The following PDGFD variants were observed in gnomAD, a reference collection of about 807,000 sequenced individuals.
PDGFD encodes the protein platelet derived growth factor D, also known as platelet-derived growth factor D.
PDGFD carries 30 observed loss-of-function variants against 44.7 expected under a neutral mutation model. The observed-to-expected ratio is 0.67, with a 90% CI of 0.50 to 0.91. PDGFD has a LOEUF of 0.91. Ranked by LOEUF, PDGFD falls within the 40% of genes least tolerant of loss-of-function variation. PDGFD has a pLI of 0.00. For synonymous variants in PDGFD, 173 were observed against 168.4 expected (o/e 1.03, Z -0.21); for missense variants, 445 against 457.8 (o/e 0.97, Z 0.25).
chr11:104,049,542 T>TTTTTG (rs1395243548), intron 1 of PDGFD, among the ~76,000 whole-genome samples: 2 of 152,196 alleles, frequency 1.3e-5, no homozygotes, highest in African/African-American at 2.4e-5. Context: ...TTTAAGCTTT[T>TTTTTG]TTTTGTTTTG....
chr11:104,097,762 G>A (rs1326090974), intron 1 of PDGFD, among the ~76,000 whole-genome samples: 1 of 152,118 alleles, frequency 6.6e-6, no homozygotes, highest in Non-Finnish European at 1.5e-5. Flanking sequence ...AAGAAATGGA[G>A]GCTTAGTGGT....
At chr11:104,065,801 C>T (rs1403478103) in intron 1 of PDGFD, among the ~76,000 whole-genome samples, 1 of 152,030 alleles carries the variant, frequency 6.6e-6, no homozygotes, top group Non-Finnish European at 1.5e-5. Flanking sequence ...AATATTATCC[C>T]TTGTATGTAT....
intron 1 of PDGFD, among the ~76,000 whole-genome samples, chr11:104,142,975 T>C (rs1405286064): frequency 6.6e-6 from 1 of 152,206 alleles, no homozygotes; most frequent in African/African-American, 2.4e-5. Flanking sequence ...GAAAGCACCA[T>C]GCCTCTGAGA....
chr11:103,988,393 A>G (rs1335230365), intron 3 of PDGFD, among the ~76,000 whole-genome samples: 1 of 151,970 alleles, frequency 6.6e-6, no homozygotes, highest in Non-Finnish European at 1.5e-5. Context: ...TCAAGCTGGA[A>G]ATGTGTTTAC....
chr11:103,970,235 T>C (rs1051285907), intron 3 of PDGFD, among the ~76,000 whole-genome samples: 1 of 152,050 alleles, frequency 6.6e-6, no homozygotes, highest in African/African-American at 2.4e-5. Context: ...TCTCTAAATA[T>C]CAATAATTGA....
At chr11:104,111,039 G>C (rs1291274151) in intron 1 of PDGFD, among the ~76,000 whole-genome samples, 1 of 151,938 alleles carries the variant, frequency 6.6e-6, no homozygotes, top group Non-Finnish European at 1.5e-5. Context: ...AAAATGTTCT[G>C]ACAGTGGTTA....
At chr11:104,129,801 G>A (rs1263225444) in intron 1 of PDGFD, among the ~76,000 whole-genome samples, 1 of 152,096 alleles carries the variant, frequency 6.6e-6, no homozygotes. Context: ...CTGAGGTCAG[G>A]AGTTCAAGAC....
intron 6 of PDGFD, among the ~76,000 whole-genome samples, chr11:103,924,637 C>A (rs1034391246): frequency 1.4e-4 from 22 of 152,122 alleles, no homozygotes; most frequent in African/African-American, 5.1e-4. Context: ...ATTACATACT[C>A]ATTTTTGCTT....
At chr11:104,059,009 T>C in intron 1 of PDGFD, among the ~76,000 whole-genome samples, 1 of 152,196 alleles carries the variant, frequency 6.6e-6, no homozygotes, top group Admixed American at 6.5e-5. Flanking sequence ...GGAAGCACCA[T>C]GGGACATGGG....
intron 5 of PDGFD, among the ~76,000 whole-genome samples, chr11:103,939,391 T>C (rs960776117): frequency 1.3e-5 from 2 of 152,190 alleles, no homozygotes; most frequent in Non-Finnish European, 2.9e-5. Flanking sequence ...CTTGTGATTT[T>C]TGTACATTGA....
chr11:103,983,446 A>C (rs907734209), intron 3 of PDGFD, among the ~76,000 whole-genome samples: 9 of 151,956 alleles, frequency 5.9e-5, no homozygotes, highest in African/African-American at 2.2e-4. Context: ...CTAAAATATA[A>C]AACTTAAAAC....
At chr11:104,069,195 A>G (rs1479496811) in intron 1 of PDGFD, among the ~76,000 whole-genome samples, 1 of 152,204 alleles carries the variant, frequency 6.6e-6, no homozygotes, top group African/African-American at 2.4e-5. Context: ...ACACCTTTGA[A>G]GAGCACAGGT....
intron 6 of PDGFD, among the ~76,000 whole-genome samples, chr11:103,925,671 GTGTC>G (rs1858297181): frequency 8.0e-6 from 1 of 124,244 alleles, no homozygotes; most frequent in Non-Finnish European, 1.6e-5. Flanking sequence ...CTATGTGTGT[GTGTC>G]TGTGTATATA....
chr11:103,962,564 T>G (rs1858954432), intron 3 of PDGFD, among the ~76,000 whole-genome samples: 1 of 152,204 alleles, frequency 6.6e-6, no homozygotes, highest in Admixed American at 6.5e-5. Flanking sequence ...GAAACTCTTT[T>G]GCTACTTATC....
intron 1 of PDGFD, among the ~76,000 whole-genome samples, chr11:104,041,883 T>C (rs1780607483): frequency 6.6e-6 from 1 of 152,202 alleles, no homozygotes; most frequent in South Asian, 2.1e-4. Context: ...TATTAACTGT[T>C]GTAATTTTAG....
chr11:103,965,036 C>T (rs1184601039), intron 3 of PDGFD, among the ~76,000 whole-genome samples: 1 of 151,420 alleles, frequency 6.6e-6, no homozygotes, highest in Admixed American at 6.6e-5. Flanking sequence ...AGATCAATAG[C>T]ATGAGTATAG....
At chr11:104,106,569 T>C (rs1490035959) in intron 1 of PDGFD, among the ~76,000 whole-genome samples, 3 of 152,110 alleles carry the variant, frequency 2.0e-5, no homozygotes, top group Non-Finnish European at 4.4e-5. Flanking sequence ...AAAACACAGA[T>C]TGCCCATTCT....
intron 1 of PDGFD, among the ~76,000 whole-genome samples, chr11:104,014,502 GACAA>G (rs148575111): frequency 4.6e-5 from 7 of 152,114 alleles, no homozygotes; most frequent in East Asian, 1.9e-4. Flanking sequence ...TCTCCAAACA[GACAA>G]ACAAACAAAC....
intron 1 of PDGFD, among the ~76,000 whole-genome samples, chr11:104,087,883 T>C (rs1242056616): frequency 6.6e-6 from 1 of 152,216 alleles, no homozygotes; most frequent in Non-Finnish European, 1.5e-5. Flanking sequence ...TGTAATAATG[T>C]CCCATGATGT....
Sources: allele counts gnomAD v4.1 joint callset (sites outside exome capture counted in the v4.1 genomes callset), GRCh38; gene constraint gnomAD v4.1.1; transcripts MANE v1.5; gene names NCBI Gene and HGNC (gene_info 2026-07-23, HGNC 2026-07-21).